Variants in NAA50 observed in about 807,000 individuals in gnomAD.
NAA50 encodes N-alpha-acetyltransferase 50, NatE catalytic subunit.
NAA50 carries 7 observed loss-of-function variants against 20.7 expected under a neutral mutation model. That is an observed-to-expected ratio of 0.34 (90% CI 0.19 to 0.63). The LOEUF (loss-of-function observed/expected upper bound fraction) is 0.63. NAA50 is among the 30% of genes least tolerant of loss of function. The pLI is 0.75. For missense variants in NAA50, 111 were observed against 199.1 expected, an observed-to-expected ratio of 0.56 and a Z score of 2.66; for synonymous variants, 54 against 70.6, an observed-to-expected ratio of 0.77 and a Z score of 1.18.
At chr3:113,736,491 T>C (rs1004283249) in intron 1 of NAA50, among the ~76,000 whole-genome samples, 10 of 152,330 alleles carry the variant, frequency 6.6e-5, no homozygotes, top group East Asian at 1.9e-4. Flanking sequence ...TAAGAAAACT[T>C]TACCCTTGGC....
chr3:113,732,611 G>C (rs1708285054), intron 1 of NAA50, among the ~76,000 whole-genome samples: 1 of 152,168 alleles, frequency 6.6e-6, no homozygotes, highest in Non-Finnish European at 1.5e-5. Flanking sequence ...CATTGTCTTT[G>C]TGGTGTGTCT....
chr3:113,717,011 C>CTTCT lies in NAA50; in HGVS notation c.*4748_*4749insAGAA, dbSNP rs1267533998. Reference sequence around the variant, plus strand: ...TTTTCTTATTCTAGAAGCTACTGAGCAAGGAAAATACCTTGATTCATTCTA... The same window carrying CTTCT: ...TTTTCTTATTCTAGAAGCTACTGAGCTTCTAAGGAAAATACCTTGATTCATTCTA... On this transcript the variant is annotated 3_prime_UTR_variant, in exon 5 of 5. Transcript: ENST00000240922. 2 of 152,156 alleles carry CTTCT rather than the reference C, an allele frequency of 1.3e-5. No individual in the cohort carries two copies. The highest frequency in any genetic ancestry group is 3.8e-4 in the East Asian group (2 of 5,200). The allele number at this position is 152,156 out of a possible 1,614,324, so 9.4% of individuals were successfully genotyped here. A position where few individuals can be genotyped will look rare whatever the true frequency, so the allele number is the denominator to read the frequency against.
chr3:113,734,166 G>T (rs1410893285), intron 1 of NAA50, among the ~76,000 whole-genome samples: 5 of 152,142 alleles, frequency 3.3e-5, no homozygotes, highest in Non-Finnish European at 5.9e-5. Flanking sequence ...TATGGATGCA[G>T]CTGGAGGCCA....
rs998994584 is a variant in NAA50 at position 113,721,136 on chromosome 3, A to G, written c.*624T>C. ...GCAGTTTAACTCAAATACTTAGACCAAAGTATAACACTAAACCAAACTGCC... is the reference window on the plus strand; with the variant it reads ...GCAGTTTAACTCAAATACTTAGACCGAAGTATAACACTAAACCAAACTGCC... On this transcript the variant is annotated 3_prime_UTR_variant, in exon 5 of 5. Coordinates refer to ENST00000240922, the MANE Select transcript of NAA50 (RefSeq NM_025146.4). The G allele has an allele frequency of 3.3e-5, 5 of 152,704 alleles. No individual in the cohort carries two copies. The highest frequency in any genetic ancestry group is 7.3e-5 in the Non-Finnish European group (5 of 68,076). The allele number at this position is 152,704 out of a possible 1,614,324, so 9.5% of individuals were successfully genotyped here.
rs1036583865 is a variant in NAA50 at position 113,717,206 on chromosome 3, T to C, written c.*4554A>G. The C allele has an allele frequency of 2.0e-5, 3 of 152,172 alleles. No homozygotes were observed. Among genetic ancestry groups the C allele is most frequent in the East Asian group, 3.9e-4 (2 of 5,188 alleles). The allele number at this position is 152,172 out of a possible 1,614,324, so 9.4% of individuals were successfully genotyped here. A position where few individuals can be genotyped will look rare whatever the true frequency, so the allele number is the denominator to read the frequency against. On this transcript the variant is annotated 3_prime_UTR_variant, in exon 5 of 5. Coordinates refer to ENST00000240922, the MANE Select transcript of NAA50 (RefSeq NM_025146.4). ...AAAAAATTAGCCAGGCGTGGTGGCA[T>C]GCGCTTTCTAGTCGCAGCTACTTGG...
rs1258187804 is a variant in NAA50 at position 113,718,199 on chromosome 3, C to G, written c.*3561G>C. On this transcript the variant is annotated 3_prime_UTR_variant, in exon 5 of 5. Coordinates refer to ENST00000240922, the MANE Select transcript of NAA50 (RefSeq NM_025146.4). Reference sequence around the variant, plus strand: ...CCAAGAGCCACGTGAGCATCAGGCACTGTGTGTGATACCCACACAGTGAGG... The same window carrying G: ...CCAAGAGCCACGTGAGCATCAGGCAGTGTGTGTGATACCCACACAGTGAGG... 3 of 152,068 alleles carry G rather than the reference C, an allele frequency of 2.0e-5. No individual in the cohort carries two copies. Among genetic ancestry groups the G allele is most frequent in the Admixed American group, 6.6e-5 (1 of 15,260 alleles). 9.4% of individuals were successfully genotyped at this position (152,068 alleles called of 1,614,324 possible). A position where few individuals can be genotyped will look rare whatever the true frequency, so the allele number is the denominator to read the frequency against.
intron 2 of NAA50, 147 bp downstream of exon 2, chr3:113,723,812 T>G (rs1708166004): frequency 1.1e-6 from 1 of 947,258 alleles, no homozygotes; most frequent in Admixed American, 3.3e-5. Flanking sequence ...TTCTCTGAGA[T>G]TTTTCTCACA....
intron 1 of NAA50, among the ~76,000 whole-genome samples, chr3:113,745,564 A>C (rs1708481777): frequency 6.6e-6 from 1 of 152,166 alleles, no homozygotes; most frequent in Admixed American, 6.5e-5. Flanking sequence ...GAGGTGGAAG[A>C]CAACCAAACC....
intron 1 of NAA50, among the ~76,000 whole-genome samples, chr3:113,732,078 T>A (rs1041897072): frequency 5.3e-5 from 8 of 152,156 alleles, no homozygotes; most frequent in African/African-American, 1.9e-4. Context: ...AACCAAAGGA[T>A]GTACATGTCA....
At chr3:113,731,952 C>A (rs1398580920) in intron 1 of NAA50, among the ~76,000 whole-genome samples, 2 of 152,060 alleles carry the variant, frequency 1.3e-5, no homozygotes, top group African/African-American at 2.4e-5. Flanking sequence ...TGTGGACATA[C>A]GCCTTAGTTT....
At chr3:113,733,428 T>C (rs138230373) in intron 1 of NAA50, among the ~76,000 whole-genome samples, 1 of 151,996 alleles carries the variant, frequency 6.6e-6, no homozygotes, top group Non-Finnish European at 1.5e-5. Flanking sequence ...TGGATTCTAA[T>C]GTGAAAAAAA....
At chr3:113,742,193 C>T (rs1708426052) in intron 1 of NAA50, among the ~76,000 whole-genome samples, 1 of 152,190 alleles carries the variant, frequency 6.6e-6, no homozygotes, top group Non-Finnish European at 1.5e-5. Flanking sequence ...GTGTCAAATG[C>T]TACGTCAGCC....
rs1260231101 is a variant in NAA50 at position 113,717,920 on chromosome 3, GTGATAGCCAGTCTCCTAGAGGGCCCAA to G, written c.*3813_*3839del. ...CGAAGCCCAGCATCTTCTCTGAGCA[GTGATAGCCAGTCTCCTAGAGGGCCCAA>G]TGATATCCACCTCCCAGTATTCACA... On this transcript the variant is annotated 3_prime_UTR_variant, in exon 5 of 5. Coordinates refer to ENST00000240922, the MANE Select transcript of NAA50 (RefSeq NM_025146.4). 1 of 152,370 alleles carries G rather than the reference GTGATAGCCAGTCTCCTAGAGGGCCCAA, an allele frequency of 6.6e-6. No homozygotes were observed. Among genetic ancestry groups the G allele is most frequent in the East Asian group, 1.9e-4 (1 of 5,204 alleles). The allele number at this position is 152,370 out of a possible 1,614,324, so 9.4% of individuals were successfully genotyped here.
Position 113,721,919 on chromosome 3 carries a change from A to G in NAA50, c.351T>C (p.Asn117=), listed in dbSNP as rs773467532. ...TCCTGTAGAAGTCAATTGCCGACTC[A>G]TTGCTGATCTGGACATGCCTGAGAT... ...DNIYLHVQIS[N]ESAIDFYRKF... is the part of the protein sequence containing the mutation. The change falls in exon 5 of 5, where the codon AAT becomes AAC. Residue 117 remains asparagine, a synonymous_variant. Coordinates refer to ENST00000240922, the MANE Select transcript of NAA50 (RefSeq NM_025146.4). 7 of 1,613,808 alleles carry G rather than the reference A, an allele frequency of 4.3e-6. No individual in the cohort carries two copies. Among genetic ancestry groups the G allele is most frequent in the Non-Finnish European group, 5.1e-6 (6 of 1,179,786 alleles).
At chr3:113,728,569 T>C (rs900851255) in intron 1 of NAA50, among the ~76,000 whole-genome samples, 2 of 152,246 alleles carry the variant, frequency 1.3e-5, no homozygotes, top group Admixed American at 1.3e-4. Flanking sequence ...ATCAGTCAGT[T>C]TGATATGGCT....
chr3:113,742,710 C>T (rs1708435025), intron 1 of NAA50, among the ~76,000 whole-genome samples: 2 of 152,110 alleles, frequency 1.3e-5, no homozygotes, highest in Non-Finnish European at 2.9e-5. Flanking sequence ...AAAATGGCTC[C>T]CTTTACTATT....
intron 1 of NAA50, among the ~76,000 whole-genome samples, chr3:113,728,431 T>C (rs773593577): frequency 6.6e-5 from 10 of 152,186 alleles, no homozygotes; most frequent in Non-Finnish European, 1.2e-4. Context: ...GTACATATAG[T>C]ACAAAAATAA....
chr3:113,737,762 C>A (rs1708363397), intron 1 of NAA50, among the ~76,000 whole-genome samples: 1 of 152,160 alleles, frequency 6.6e-6, no homozygotes, highest in South Asian at 2.1e-4. Flanking sequence ...TCAGCAGCAT[C>A]CCTAGATTTT....
At chr3:113,726,754 A>AAAAG (rs1553705380) in intron 1 of NAA50, among the ~76,000 whole-genome samples, 5 of 152,028 alleles carry the variant, frequency 3.3e-5, no homozygotes, top group Non-Finnish European at 5.9e-5. Context: ...AAAAAAAAAA[A>AAAAG]AAAGAAAGAA....
Sources: gnomAD v4.1 joint callset for allele counts (sites outside exome capture counted in the v4.1 genomes callset) on GRCh38, gnomAD v4.1.1 for gene constraint, MANE v1.5 for transcripts, NCBI Gene and HGNC (gene_info 2026-07-23, HGNC 2026-07-21) for gene names.